Variants in BACE2 observed in about 807,000 individuals in gnomAD.
The protein encoded by BACE2 is beta-secretase 2, also known as 56 kDa aspartic-like protease.
A neutral mutation model predicts 46.2 loss-of-function variants in BACE2; 17 were observed. The observed-to-expected ratio is 0.37, with a 90% confidence interval of 0.25 to 0.55. BACE2 has a LOEUF of 0.55. BACE2 is among the 20% of genes least tolerant of loss of function. The pLI is 0.82. For missense variants in BACE2, 595 were observed against 698.1 expected (o/e 0.85, Z 1.66); for synonymous variants, 277 against 295.9 (o/e 0.94, Z 0.66).
chr21:41,277,672 T>C lies in BACE2; in HGVS notation c.*2048T>C, dbSNP rs2088505680. On this transcript the variant is annotated 3_prime_UTR_variant, in exon 9 of 9. Coordinates refer to ENST00000330333, the MANE Select transcript of BACE2 (RefSeq NM_012105.5). ...ATTAGTTTTCCTGCTTATTTCTTCATACAGGCATCTTCTGTTCCGTTGTAT... is the reference window on the plus strand; with the variant it reads ...ATTAGTTTTCCTGCTTATTTCTTCACACAGGCATCTTCTGTTCCGTTGTAT... 6.6e-6 allele frequency: 1 copy of C among 152,244 alleles called. No individual in the cohort carries two copies. The highest frequency in any genetic ancestry group is 2.1e-4 in the South Asian group (1 of 4,832). 9.4% of individuals were successfully genotyped at this position (152,244 alleles called of 1,614,324 possible). A position where few individuals can be genotyped will look rare whatever the true frequency, so the allele number is the denominator to read the frequency against.
chr21:41,228,302 G>GACAT (rs34724857), intron 2 of BACE2, among the ~76,000 whole-genome samples: 1 of 152,138 alleles, frequency 6.6e-6, no homozygotes, highest in Non-Finnish European at 1.5e-5. Context: ...CATCACCATG[G>GACAT]ACATGTACAC....
intron 1 of BACE2, among the ~76,000 whole-genome samples, chr21:41,214,504 T>A (rs887100041): frequency 2.0e-5 from 3 of 152,194 alleles, no homozygotes; most frequent in African/African-American, 7.2e-5. Context: ...ACAGTTTTCA[T>A]CGTGGGGGCA....
At chr21:41,235,959 A>T (rs1379981156) in intron 2 of BACE2, among the ~76,000 whole-genome samples, 1 of 152,268 alleles carries the variant, frequency 6.6e-6, no homozygotes, top group Non-Finnish European at 1.5e-5. Context: ...CACAACAAAG[A>T]CTTATTAACA....
chr21:41,249,938 T>C lies in BACE2; in HGVS notation c.985-814T>C, dbSNP rs551006638. On this transcript the variant is annotated intron_variant, in intron 6 of 8. Coordinates refer to ENST00000330333, the MANE Select transcript of BACE2 (RefSeq NM_012105.5). ...TGGTGAGAGGTACTGGTGGATGTCC[T>C]GTGTTGCCGGCCACCTTTTGTCCCT... Among the ~76,000 whole-genome samples, 8 of 152,344 alleles carry C rather than the reference T, an allele frequency of 5.3e-5. No individual in the cohort carries two copies. In the South Asian group the frequency reaches 1.7e-3, roughly 32 times the overall value.
chr21:41,170,859 G>A (rs867095665), intron 1 of BACE2, among the ~76,000 whole-genome samples: 1 of 152,214 alleles, frequency 6.6e-6, no homozygotes, highest in Non-Finnish European at 1.5e-5. Context: ...CAAGCACTGC[G>A]CTCTGTGCTT....
chr21:41,234,596 C>T (rs879676736), intron 2 of BACE2, among the ~76,000 whole-genome samples: 10 of 152,206 alleles, frequency 6.6e-5, no homozygotes, highest in Non-Finnish European at 1.3e-4. Flanking sequence ...TGTTCTAGAT[C>T]CTATTCTCCA....
chr21:41,264,589 GGAGA>G (rs138828726), intron 8 of BACE2, among the ~76,000 whole-genome samples: 1 of 151,018 alleles, frequency 6.6e-6, no homozygotes, highest in Non-Finnish European at 1.5e-5. Flanking sequence ...CCAGAGCAAG[GGAGA>G]GAGAGAGAGA....
chr21:41,240,383 C>T (rs192030293), intron 3 of BACE2, among the ~76,000 whole-genome samples: 49 of 152,334 alleles, frequency 3.2e-4, no homozygotes, highest in Admixed American at 7.2e-4. Context: ...AGAGGGATCC[C>T]GAGGCACAGC....
chr21:41,275,442 C>A lies in BACE2; in HGVS notation c.1375C>A (p.Pro459Thr). The change falls in exon 9 of 9, where the codon CCC becomes ACC. Residue 459 changes from proline (P) to threonine (T), a missense_variant. This residue lies in a region of BACE2 where 343 missense variants were observed against 419.4 expected (regional missense o/e 0.82). Coordinates refer to ENST00000330333, the MANE Select transcript of BACE2 (RefSeq NM_012105.5). ...STEDVASNCV[P>T]AQSLSEPILW... ...AGAGGATGTAGCCAGCAACTGTGTC[C>A]CCGCTCAGTCTTTGAGCGAGCCCAT... The A allele has an allele frequency of 6.2e-7, 1 of 1,614,166 alleles. No individual in the cohort carries two copies. Among genetic ancestry groups the A allele is most frequent in the Non-Finnish European group, 8.5e-7 (1 of 1,180,018 alleles).
At position 41,168,255 on chromosome 21, in the gene BACE2, G is replaced by C. The variant is rs906067285; in HGVS notation, c.-9G>C. The C allele has an allele frequency of 2.6e-6, 3 of 1,167,836 alleles. No individual in the cohort carries two copies. Among genetic ancestry groups the C allele is most frequent in the Non-Finnish European group, 3.2e-6 (3 of 947,900 alleles). The allele number at this position is 1,167,836 out of a possible 1,614,324, so 72.3% of individuals were successfully genotyped here. ...AGGCTGGGCGCGCCCCCCGGGCCCC[G>C]CCGTGGGCATGGGCGCACTGGCCCG... On this transcript the variant is annotated 5_prime_UTR_variant, in exon 1 of 9. Transcript: ENST00000330333.
intron 1 of BACE2, among the ~76,000 whole-genome samples, chr21:41,187,346 G>A (rs1448343073): frequency 1.3e-5 from 2 of 152,212 alleles, no homozygotes; most frequent in African/African-American, 4.8e-5. Context: ...GCTTGCATTA[G>A]AGGCTGTAGA....
intron 1 of BACE2, among the ~76,000 whole-genome samples, chr21:41,208,184 A>G (rs910604120): frequency 2.0e-5 from 3 of 152,236 alleles, no homozygotes; most frequent in Non-Finnish European, 4.4e-5. Flanking sequence ...GAAAACCCAC[A>G]GACACACCTT....
chr21:41,245,431 T>G (rs1987437683), intron 5 of BACE2, among the ~76,000 whole-genome samples: 1 of 152,252 alleles, frequency 6.6e-6, no homozygotes, highest in Non-Finnish European at 1.5e-5. Flanking sequence ...AGGACAGGGC[T>G]GGCAGCGCCT....
rs766573462 is a variant in BACE2, at chr21:41,199,588, C to T, written c.313-26678C>T. Among the ~76,000 whole-genome samples the T allele has an allele frequency of 7.9e-5, 12 of 152,196 alleles. No individual in the cohort carries two copies. In the East Asian group the frequency reaches 9.7e-4, roughly 12 times the overall value. On this transcript the variant is annotated intron_variant, in intron 1 of 8. Transcript: ENST00000330333. Reference sequence around the variant, plus strand: ...TTCCTTCTGTCCTGTGCTAGGGAGGCGAGCTTCCTAGAGTGGTTCAGGCTT... The same window carrying T: ...TTCCTTCTGTCCTGTGCTAGGGAGGTGAGCTTCCTAGAGTGGTTCAGGCTT...
intron 1 of BACE2, chr21:41,177,393 G>A (rs1984895254): frequency 6.6e-6 from 1 of 152,218 alleles, no homozygotes; most frequent in South Asian, 2.1e-4. Context: ...TCTAAAATAA[G>A]GCAGCCCTTC....
At chr21:41,225,360 A>C (rs1278190397) in intron 1 of BACE2, 1 of 152,228 alleles carries the variant, frequency 6.6e-6, no homozygotes, top group Non-Finnish European at 1.5e-5. Flanking sequence ...TCTTATTCAT[A>C]GTAGCCTCAA....
intron 2 of BACE2, among the ~76,000 whole-genome samples, chr21:41,227,917 C>T (rs1180859891): frequency 6.6e-6 from 1 of 152,142 alleles, no homozygotes; most frequent in Non-Finnish European, 1.5e-5. Context: ...CCAAACAGCC[C>T]TCACCTCCAA....
intron 2 of BACE2, among the ~76,000 whole-genome samples, 194 bp from the exon 3 acceptor site, chr21:41,237,319 G>A (rs1987151827): frequency 4.6e-5 from 7 of 152,262 alleles, no homozygotes; most frequent in East Asian, 1.9e-4. Flanking sequence ...GGTGATGTGT[G>A]CCTGTATTCC....
At chr21:41,180,947 T>G (rs1249373919) in intron 1 of BACE2, 6 of 167,138 alleles carry the variant, frequency 3.6e-5, no homozygotes, top group Non-Finnish European at 7.3e-5. Flanking sequence ...TCTCCGTTGG[T>G]GGCTAAGGAT....
Sources: allele counts gnomAD v4.1 joint callset (sites outside exome capture counted in the v4.1 genomes callset), GRCh38; gene constraint gnomAD v4.1.1; regional missense constraint gnomAD v4.1.1; transcripts MANE v1.5; gene names NCBI Gene and HGNC (gene_info 2026-07-23, HGNC 2026-07-21).